The following ZNF333 variants were observed in gnomAD, a reference collection of about 807,000 sequenced individuals.
The protein encoded by ZNF333 is zinc finger protein 333.
In ZNF333, 61 loss-of-function variants were observed where a neutral mutation model predicts 76.1. The ratio of observed to expected loss-of-function variants is 0.80; its 90% confidence interval spans 0.65 to 0.99. The LOEUF is 0.99. Among genes scored for constraint, ZNF333 ranks in the 50% least tolerant of loss-of-function variants. The probability of loss-of-function intolerance (pLI) is 0.00; values close to 1 mark genes in which losing one functional copy is unlikely to be tolerated. For missense variants in ZNF333, 717 were observed against 822.4 expected (o/e 0.87, Z 1.57); for synonymous variants, 284 against 305.0 (o/e 0.93, Z 0.72).
rs1485394494 is a variant in ZNF333 at position 14,715,467 on chromosome 19, A to C, written c.597A>C (p.Ser199=). The change falls in exon 8 of 12, where the codon TCA becomes TCC. Residue 199 remains serine (S), a synonymous_variant. Coordinates refer to ENST00000292530, the MANE Select transcript of ZNF333 (RefSeq NM_032433.4). ...AMAPGLPTAC[S]QEPVTFADVA... ...CTCCTGGGCTGCCAACCGCCTGTTCACAGGTAGGTAAGAACTTCTTGTTCT... is the reference window on the plus strand; with the variant it reads ...CTCCTGGGCTGCCAACCGCCTGTTCCCAGGTAGGTAAGAACTTCTTGTTCT... The C allele has an allele frequency of 3.7e-6, 6 of 1,613,662 alleles. No individual in the cohort carries two copies. The African/African-American group carries it at 4.0e-5, about 11-fold the overall frequency.
intron 5 of ZNF333, 28 bp from the exon 6 acceptor site, chr19:14,705,025 CT>C (rs1403999022): frequency 6.2e-7 from 1 of 1,605,720 alleles, no homozygotes; most frequent in Non-Finnish European, 8.5e-7. Flanking sequence ...CAACTCTGTC[CT>C]GCTCAGCACC....
chr19:14,717,493 C>T, intron 10 of ZNF333, 164 bp from the exon 11 acceptor site: 1 of 609,920 alleles, frequency 1.6e-6, no homozygotes, highest in Non-Finnish European at 2.9e-6. Flanking sequence ...TTAAAATTTT[C>T]CTTAACTTTT....
At chr19:14,728,411 TCTC>T (rs1052431431) in intron 11 of ZNF333, among the ~76,000 whole-genome samples, 4 of 152,184 alleles carry the variant, frequency 2.6e-5, no homozygotes, top group Non-Finnish European at 4.4e-5. Context: ...GGGGTGGTCT[TCTC>T]CTCTCATCCC....
chr19:14,723,722 T>C (rs2042616551), downstream of ZNF333, among the ~76,000 whole-genome samples: 1 of 152,230 alleles, frequency 6.6e-6, no homozygotes, highest in Non-Finnish European at 1.5e-5. Flanking sequence ...ACCCATATTA[T>C]GAAGTGTCAC....
chr19:14,689,795 C>T (rs1972607717), upstream of ZNF333: 1 of 152,322 alleles, frequency 6.6e-6, no homozygotes, highest in Non-Finnish European at 1.5e-5. Context: ...GCACAGGCCC[C>T]GCCCCACTTT....
chr19:14,716,896 C>T (rs371793268), intron 9 of ZNF333, 98 bp from the exon 10 acceptor site: 12 of 1,098,358 alleles, frequency 1.1e-5, no homozygotes, highest in Non-Finnish European at 2.6e-6. Flanking sequence ...CATTTTGCCA[C>T]TCCCATCTCT....
intron 4 of ZNF333, among the ~76,000 whole-genome samples, chr19:14,696,886 A>ACAC (rs1973238061): frequency 1.3e-5 from 2 of 151,738 alleles, no homozygotes; most frequent in African/African-American, 4.8e-5. Context: ...CTACAGGTGC[A>ACAC]CACCACCACA....
chr19:14,701,480 A>T (rs1432989361), intron 5 of ZNF333: 1 of 688,694 alleles, frequency 1.5e-6, no homozygotes, highest in Non-Finnish European at 1.8e-6. Flanking sequence ...TCTGTGTGTC[A>T]TGTAGCCCCC....
intron 5 of ZNF333, among the ~76,000 whole-genome samples, chr19:14,703,250 C>T (rs1440808514): frequency 2.7e-5 from 4 of 150,826 alleles, no homozygotes; most frequent in Admixed American, 6.6e-5. Flanking sequence ...AACTCACTCA[C>T]TATTTCGAGA....
At position 14,720,413 on chromosome 19, in the gene ZNF333, A is replaced by G; in HGVS notation, c.*1088A>G. 2 of 985,436 alleles carry G rather than the reference A, an allele frequency of 2.0e-6. No individual in the cohort carries two copies. Among genetic ancestry groups the G allele is most frequent in the Non-Finnish European group, 2.4e-6 (2 of 829,928 alleles). 61.0% of individuals were successfully genotyped at this position (985,436 alleles called of 1,614,324 possible). On this transcript the variant is annotated 3_prime_UTR_variant, in exon 12 of 12. Transcript: ENST00000292530. Reference sequence around the variant, plus strand: ...CCTAGAGGAGCCCTCCTGTGACCATAAGGGTAAAAGCCGCAAGCTAAGAAG... The same window carrying G: ...CCTAGAGGAGCCCTCCTGTGACCATGAGGGTAAAAGCCGCAAGCTAAGAAG...
chr19:14,695,191 G>A (rs1469411430), intron 3 of ZNF333, 58 bp downstream of exon 3: 30 of 1,583,884 alleles, frequency 1.9e-5, no homozygotes, highest in South Asian at 7.9e-5. Context: ...CTTCTTAAGC[G>A]CCTGCCATGT....
intron 5 of ZNF333, among the ~76,000 whole-genome samples, chr19:14,704,516 C>T (rs377102556): frequency 2.6e-5 from 4 of 152,210 alleles, no homozygotes; most frequent in African/African-American, 4.8e-5. Flanking sequence ...AAGACATACC[C>T]GAGACTGGGC....
At chr19:14,706,819 C>G in intron 7 of ZNF333, 46 bp downstream of exon 7, 1 of 1,538,360 alleles carries the variant, frequency 6.5e-7, no homozygotes, top group South Asian at 1.1e-5. Context: ...GCCCTGCTGT[C>G]CTTGTGTTCT....
At chr19:14,694,021 G>A (rs1200812725) in intron 2 of ZNF333, among the ~76,000 whole-genome samples, 4 of 149,478 alleles carry the variant, frequency 2.7e-5, no homozygotes, top group Admixed American at 6.7e-5. Flanking sequence ...AAGTTTAAGC[G>A]CTCAGTTTCT....
chr19:14,715,387 C>A lies in ZNF333; in HGVS notation c.517C>A (p.Pro173Thr), dbSNP rs751245034. 2 of 1,613,808 alleles carry A rather than the reference C, an allele frequency of 1.2e-6. No individual in the cohort carries two copies. Among genetic ancestry groups the A allele is most frequent in the East Asian group, 4.5e-5 (2 of 44,880 alleles). The change falls in exon 8 of 12, where the codon CCT (proline) becomes ACT (threonine). Residue 173 changes from proline (P) to threonine (T), a missense_variant. Coordinates refer to ENST00000292530, the MANE Select transcript of ZNF333 (RefSeq NM_032433.4). ...CCTCTTCCCTTCTCCCCTAGCTGTG[C>A]CTGCACGTGACCCTGCCTGGCTTCA... ...NPWVARDSAV[P>T]ARDPAWLQED...
chr19:14,729,469 C>T (rs1244822450), intron 11 of ZNF333, among the ~76,000 whole-genome samples: 1 of 152,044 alleles, frequency 6.6e-6, no homozygotes, highest in Non-Finnish European at 1.5e-5. Context: ...AGTGATCCTT[C>T]CTCCTCAGCC....
At position 14,695,046 on chromosome 19, in the gene ZNF333, A is replaced by G. The variant is rs1193634672; in HGVS notation, c.40A>G (p.Ile14Val). The change falls in exon 3 of 12, where the codon ATC (isoleucine) becomes GTC (valine). Residue 14 changes from isoleucine to valine, a missense_variant. Transcript: ENST00000292530. ...VTFEDVAVEF[I>V]QEWALLDSAR... is the part of the protein sequence containing the mutation. Reference sequence around the variant, plus strand: ...CTTTGAGGATGTGGCCGTGGAGTTCATCCAGGAGTGGGCATTGCTGGACAG... The same window carrying G: ...CTTTGAGGATGTGGCCGTGGAGTTCGTCCAGGAGTGGGCATTGCTGGACAG... 1.9e-6 allele frequency: 3 copies of G among 1,614,150 alleles called. No individual in the cohort carries two copies. Among genetic ancestry groups the G allele is most frequent in the Non-Finnish European group, 2.5e-6 (3 of 1,180,016 alleles).
chr19:14,715,966 A>T, intron 8 of ZNF333, 146 bp from the exon 9 acceptor site: 1 of 1,334,350 alleles, frequency 7.5e-7, no homozygotes, highest in Non-Finnish European at 1.0e-6. Context: ...GTCCTGAGCT[A>T]AGGGCCAGAT....
At chr19:14,701,617 G>A (rs1219528845) in intron 5 of ZNF333, 26 of 985,338 alleles carry the variant, frequency 2.6e-5, no homozygotes, top group Non-Finnish European at 3.1e-5. Context: ...GAGAGGGAGG[G>A]AGAATGAGCA....
Sources: gnomAD v4.1 joint callset for allele counts (sites outside exome capture counted in the v4.1 genomes callset) on GRCh38, gnomAD v4.1.1 for gene constraint, MANE v1.5 for transcripts, NCBI Gene and HGNC (gene_info 2026-07-23, HGNC 2026-07-21) for gene names.